The following WWTR1 variants were observed in gnomAD, a reference collection of about 807,000 sequenced individuals.
WWTR1 encodes WW domain containing transcription regulator 1.
Under a neutral mutation model 40.1 loss-of-function variants are expected in WWTR1, and 13 were observed. The ratio of observed to expected loss-of-function variants is 0.32; its 90% CI spans 0.21 to 0.52. WWTR1 has a LOEUF of 0.52. WWTR1 is among the 20% of genes least tolerant of loss of function. WWTR1 has a pLI of 0.97. For synonymous variants in WWTR1, 230 were observed against 210.1 expected (o/e 1.09, Z -0.82); for missense variants, 436 against 523.1 (o/e 0.83, Z 1.63).
chr3:149,531,068 G>A (rs900629457), intron 4 of WWTR1, among the ~76,000 whole-genome samples: 3 of 151,962 alleles, frequency 2.0e-5, no homozygotes, highest in African/African-American at 7.3e-5. Flanking sequence ...CCGAGTAGCT[G>A]GGACTACAGG....
intron 4 of WWTR1, among the ~76,000 whole-genome samples, chr3:149,530,513 C>A (rs1735524271): frequency 1.3e-5 from 2 of 151,342 alleles, no homozygotes; most frequent in African/African-American, 4.9e-5. Context: ...GAACAAATAT[C>A]AAAAATTAGA....
At chr3:149,597,451 G>A (rs1293907582) in intron 2 of WWTR1, among the ~76,000 whole-genome samples, 2 of 142,202 alleles carry the variant, frequency 1.4e-5, no homozygotes, top group South Asian at 2.2e-4. Flanking sequence ...AAAAAAAGAA[G>A]AAGAAGAAGA....
chr3:149,575,122 G>A (rs1210111979), intron 2 of WWTR1, among the ~76,000 whole-genome samples: 1 of 151,960 alleles, frequency 6.6e-6, no homozygotes, highest in African/African-American at 2.4e-5. Context: ...GGGAAATACT[G>A]AAGTAAAGAG....
chr3:149,718,229 A>G (rs987927169), intron 4 of WWTR1, among the ~76,000 whole-genome samples: 1 of 152,134 alleles, frequency 6.6e-6, no homozygotes, highest in African/African-American at 2.4e-5. Flanking sequence ...TCACCACATC[A>G]AACTTGGAAT....
intron 2 of WWTR1, among the ~76,000 whole-genome samples, chr3:149,625,162 C>T (rs1198698887): frequency 7.3e-6 from 1 of 136,428 alleles, no homozygotes; most frequent in Non-Finnish European, 1.5e-5. Context: ...CGCTCTGTTG[C>T]CCAGGCTGGA....
At chr3:149,585,121 C>CGTGTGTGTGCGTGG (rs1738355281) in intron 2 of WWTR1, among the ~76,000 whole-genome samples, 1 of 144,314 alleles carries the variant, frequency 6.9e-6, no homozygotes, top group Admixed American at 7.0e-5. Flanking sequence ...TGATTTCTTT[C>CGTGTGTGTGCGTGG]GTGTGTGTGT....
intron 2 of WWTR1, among the ~76,000 whole-genome samples, chr3:149,612,418 T>C (rs756063678): frequency 6.6e-5 from 10 of 151,938 alleles, no homozygotes; most frequent in East Asian, 1.9e-4. Context: ...ACTTTGGCAG[T>C]TGGATCATCA....
At chr3:149,598,579 G>A (rs1739106671) in intron 2 of WWTR1, among the ~76,000 whole-genome samples, 1 of 152,174 alleles carries the variant, frequency 6.6e-6, no homozygotes, top group African/African-American at 2.4e-5. Context: ...CACTGTGCCT[G>A]GCTGGTTTCT....
In WWTR1 at chr3:149,520,335, T is replaced by C. The variant is rs1460263701; in HGVS notation, c.*470A>G. On this transcript the variant is annotated 3_prime_UTR_variant, in exon 7 of 7. Coordinates refer to ENST00000360632, the MANE Select transcript of WWTR1 (RefSeq NM_015472.6). ...CTCAAGTTAAATAGTTTTTAAAGCA[T>C]TTGGTACTACTGTCATCAATACAGT... is the stretch of plus-strand genomic sequence containing the variant. The C allele has an allele frequency of 6.6e-6, 1 of 152,572 alleles. No homozygotes were observed. Among genetic ancestry groups the C allele is most frequent in the Non-Finnish European group, 1.5e-5 (1 of 68,298 alleles). The allele number at this position is 152,572 out of a possible 1,614,324, so 9.5% of individuals were successfully genotyped here. A position where few individuals can be genotyped will look rare whatever the true frequency, so the allele number is the denominator to read the frequency against.
chr3:149,691,374 A>T (rs954431447), intron 1 of WWTR1, among the ~76,000 whole-genome samples: 1 of 151,754 alleles, frequency 6.6e-6, no homozygotes, highest in Non-Finnish European at 1.5e-5. Context: ...TAAAATGAAA[A>T]TTTCTTTTTT....
intron 2 of WWTR1, among the ~76,000 whole-genome samples, chr3:149,612,031 C>T (rs1283683090): frequency 2.6e-5 from 4 of 152,158 alleles, no homozygotes; most frequent in South Asian, 2.1e-4. Context: ...TCCCATATGG[C>T]GTCAGGGGCA....
At chr3:149,621,992 T>A (rs558618765) in intron 2 of WWTR1, among the ~76,000 whole-genome samples, 2 of 152,316 alleles carry the variant, frequency 1.3e-5, no homozygotes, top group Admixed American at 6.5e-5. Context: ...CACCTTTATC[T>A]AAAAAATATT....
chr3:149,683,955 C>G (rs1293266117), intron 1 of WWTR1, among the ~76,000 whole-genome samples: 3 of 152,120 alleles, frequency 2.0e-5, no homozygotes, highest in Non-Finnish European at 2.9e-5. Context: ...CTTCTTCACC[C>G]ATTTCTTTAA....
At chr3:149,576,759 TTTC>T (rs1158436015) in intron 2 of WWTR1, among the ~76,000 whole-genome samples, 2 of 152,232 alleles carry the variant, frequency 1.3e-5, no homozygotes, top group African/African-American at 2.4e-5. Context: ...TAATTTTTTT[TTTC>T]TTATCTAAAC....
chr3:149,545,671 G>C (rs1398854590), intron 3 of WWTR1, among the ~76,000 whole-genome samples: 1 of 152,088 alleles, frequency 6.6e-6, no homozygotes, highest in Non-Finnish European at 1.5e-5. Flanking sequence ...ACAGTCGTGT[G>C]CCACCCTGCC....
chr3:149,578,858 G>A (rs993893710), intron 2 of WWTR1, among the ~76,000 whole-genome samples: 1 of 152,086 alleles, frequency 6.6e-6, no homozygotes, highest in Admixed American at 6.5e-5. Flanking sequence ...ACTCCAGCCT[G>A]GGCAACAAGA....
Position 149,530,938 on chromosome 3 carries a change from C to CTT in WWTR1, c.772-2971_772-2970dup, listed in dbSNP as rs753375505. 8.4e-3 allele frequency among the ~76,000 whole-genome samples: 1,209 copies of CTT among 143,168 alleles called. 8 individuals are homozygous for CTT. Among genetic ancestry groups the CTT allele is most frequent in the Non-Finnish European group, 0.013 (836 of 65,004 alleles). 93.9% of individuals were successfully genotyped at this position (143,168 alleles called of 152,430 possible). On this transcript the variant is annotated intron_variant, in intron 4 of 6. Transcript: ENST00000360632. ...GTGTTGAATGTACCCGGAATGATTG[C>CTT]TTTTTTTTTTTTTTGAGATGGAGTC... is the stretch of plus-strand genomic sequence containing the variant.
At chr3:149,558,111 G>C (rs1204784898) in intron 3 of WWTR1, among the ~76,000 whole-genome samples, 2 of 151,862 alleles carry the variant, frequency 1.3e-5, no homozygotes, top group Admixed American at 1.3e-4. Context: ...GTCAGTCACA[G>C]ATTGCCCTCA....
chr3:149,601,950 T>C (rs1452446514), intron 2 of WWTR1, among the ~76,000 whole-genome samples: 1 of 152,148 alleles, frequency 6.6e-6, no homozygotes, highest in East Asian at 1.9e-4. Context: ...ATGCTTGAAG[T>C]TACATTTACC....
Sources: allele counts gnomAD v4.1 joint callset (sites outside exome capture counted in the v4.1 genomes callset), GRCh38; gene constraint gnomAD v4.1.1; transcripts MANE v1.5; gene names NCBI Gene and HGNC (gene_info 2026-07-23, HGNC 2026-07-21).